The following LIN9 variants were observed in gnomAD, a reference collection of about 807,000 sequenced individuals.
LIN9 encodes lin-9 DREAM MuvB core complex component, also known as protein lin-9 homolog.
A neutral mutation model predicts 78.0 loss-of-function variants in LIN9; 18 were observed. That is an observed-to-expected ratio of 0.23 (90% CI 0.16 to 0.34). LIN9 has a LOEUF of 0.34. LIN9 is among the 10% of genes least tolerant of loss of function. LIN9 has a pLI of 1.00. For missense variants in LIN9, 451 were observed against 644.1 expected (o/e 0.70, Z 3.25); for synonymous variants, 192 against 215.2 (o/e 0.89, Z 0.94).
chr1:226,267,230 GATATAT>G lies in LIN9; in HGVS notation c.816+721_816+726del, dbSNP rs4012808. 2.1e-3 allele frequency among the ~76,000 whole-genome samples: 291 copies of G among 137,680 alleles called. 4 individuals are homozygous for G. The highest frequency in any genetic ancestry group is 8.0e-3 in the East Asian group (38 of 4,774). The allele number at this position is 137,680 out of a possible 152,430, so 90.3% of individuals were successfully genotyped here. On this transcript the variant is annotated intron_variant, in intron 8 of 14. Coordinates refer to ENST00000681046, the MANE Select transcript of LIN9 (RefSeq NM_001366245.2). ...CAATATTGTATTTCTGCACTAAGGA[GATATAT>G]ATATATATATATATATATTTCTTTT...
rs972395858 is a variant in LIN9, at chr1:226,250,643, T to C, written c.1119+196A>G. Among the ~76,000 whole-genome samples, 3 of 152,318 alleles carry C rather than the reference T, an allele frequency of 2.0e-5. No homozygotes were observed. The South Asian group carries it at 6.2e-4, about 32-fold the overall frequency. On this transcript the variant is annotated intron_variant, in intron 11 of 14. Coordinates refer to ENST00000681046, the MANE Select transcript of LIN9 (RefSeq NM_001366245.2). The stretch of plus-strand genomic sequence containing the variant: ...CATAGCTCACTGCAGTCTCTGACTC[T>C]AGACTCAAGCAATCCTTTTGCTTCA...
intron 1 of LIN9, among the ~76,000 whole-genome samples, chr1:226,301,938 ACG>A (rs1662559738): frequency 6.6e-6 from 1 of 152,140 alleles, no homozygotes; most frequent in African/African-American, 2.4e-5. Flanking sequence ...GTATGGGGGC[ACG>A]TGCCTAAAGT....
chr1:226,301,331 T>A, intron 1 of LIN9, 126 bp from the exon 2 acceptor site: 1 of 627,004 alleles, frequency 1.6e-6, no homozygotes, highest in Non-Finnish European at 2.8e-6. Context: ...GATGGTGGAA[T>A]GTGCAATTCG....
intron 4 of LIN9, among the ~76,000 whole-genome samples, chr1:226,294,989 CAG>C (rs1416404287): frequency 1.3e-5 from 2 of 151,842 alleles, no homozygotes; most frequent in Non-Finnish European, 2.9e-5. Context: ...TTAGTAGAGA[CAG>C]GGTTTCGCCA....
At position 226,232,500 on chromosome 1, in the gene LIN9, C is replaced by T. The variant is rs1159548122; in HGVS notation, c.*1G>A. On this transcript the variant is annotated 3_prime_UTR_variant, in exon 15 of 15. Coordinates refer to ENST00000681046, the MANE Select transcript of LIN9 (RefSeq NM_001366245.2). ...TGCAGTTGGAATAATGAAATCTTTA[C>T]TCAGTCTCTGTTGGTGTTATTTGCT... 2 of 1,598,596 alleles carry T rather than the reference C, an allele frequency of 1.3e-6. No individual in the cohort carries two copies. Among genetic ancestry groups the T allele is most frequent in the East Asian group, 2.2e-5 (1 of 44,676 alleles).
upstream of LIN9, chr1:226,309,243 C>T: frequency 3.7e-6 from 5 of 1,359,276 alleles, no homozygotes; most frequent in South Asian, 3.2e-5. Context: ...TCGCTGCCCG[C>T]GGCGCCGCGC....
At chr1:226,291,325 G>A (rs1004463826) in intron 4 of LIN9, among the ~76,000 whole-genome samples, 2 of 151,870 alleles carry the variant, frequency 1.3e-5, no homozygotes, top group Admixed American at 1.3e-4. Flanking sequence ...CACTGAATCC[G>A]ATTATCTCAA....
chr1:226,240,677 C>T (rs899143459), intron 11 of LIN9, among the ~76,000 whole-genome samples: 2 of 151,980 alleles, frequency 1.3e-5, no homozygotes, highest in Non-Finnish European at 2.9e-5. Context: ...GTGTGAGCCA[C>T]CGCGCCTGGC....
At chr1:226,260,627 A>ATTT (rs1659502629) in intron 10 of LIN9, among the ~76,000 whole-genome samples, 1 of 70,804 alleles carries the variant, frequency 1.4e-5, no homozygotes, top group African/African-American at 5.9e-5. Flanking sequence ...CGGCCAAATG[A>ATTT]GTTTTTTTTT....
Position 226,287,777 on chromosome 1 carries a change from T to C in LIN9, c.285A>G (p.Ser95=). The stretch of plus-strand genomic sequence containing the variant: ...TCTGTGAAGCTTTCTTATCTGGTGT[T>C]GACATTGTTGCTGTAAATTTCTATA... ...MVPQKFTATM[S]TPDKKASQKI... The change falls in exon 5 of 15, where the codon TCA becomes TCG. Residue 95 remains serine, a synonymous_variant. Transcript: ENST00000681046. The C allele has an allele frequency of 6.4e-7, 1 of 1,552,954 alleles. No homozygotes were observed. Among genetic ancestry groups the C allele is most frequent in the African/African-American group, 1.4e-5 (1 of 69,872 alleles).
At chr1:226,301,118 A>T in intron 2 of LIN9, 55 bp downstream of exon 2, 1 of 1,329,034 alleles carries the variant, frequency 7.5e-7, no homozygotes, top group Non-Finnish European at 1.1e-6. Context: ...ATCCAGATTA[A>T]TTTAACAAAT....
intron 7 of LIN9, among the ~76,000 whole-genome samples, chr1:226,269,314 A>C (rs1161505633): frequency 2.6e-5 from 4 of 152,210 alleles, no homozygotes; most frequent in African/African-American, 9.7e-5. Flanking sequence ...GATGTAAATA[A>C]TGAAGCTGAG....
At chr1:226,280,366 G>C (rs537725904) in intron 6 of LIN9, among the ~76,000 whole-genome samples, 4 of 152,272 alleles carry the variant, frequency 2.6e-5, no homozygotes, top group African/African-American at 7.2e-5. Flanking sequence ...TGATAATAAT[G>C]ATTTTTTTGT....
rs185849346 is a variant in LIN9, at chr1:226,260,618, G to A, written c.1038+4915C>T. Reference sequence around the variant, plus strand: ...GATGTATAAAAGAATTTAAGATCACGGCCAAATGAGTTTTTTTTTTTTTTT... The same window carrying A: ...GATGTATAAAAGAATTTAAGATCACAGCCAAATGAGTTTTTTTTTTTTTTT... On this transcript the variant is annotated intron_variant, in intron 10 of 14. Coordinates refer to ENST00000681046, the MANE Select transcript of LIN9 (RefSeq NM_001366245.2). Among the ~76,000 whole-genome samples, 34 of 144,436 alleles carry A rather than the reference G, an allele frequency of 2.4e-4. No homozygotes were observed. The East Asian group carries it at 6.2e-3, about 26-fold the overall frequency. 94.8% of individuals were successfully genotyped at this position (144,436 alleles called of 152,430 possible).
chr1:226,261,015 A>C (rs1659551946), intron 10 of LIN9, among the ~76,000 whole-genome samples: 1 of 151,978 alleles, frequency 6.6e-6, no homozygotes, highest in African/African-American at 2.4e-5. Context: ...AATCCATCAC[A>C]TCAGTAGGCT....
Position 226,267,906 on chromosome 1 carries a change from T to C in LIN9, c.816+51A>G, listed in dbSNP as rs751947904. 9 of 1,552,996 alleles carry C rather than the reference T, an allele frequency of 5.8e-6. No homozygotes were observed. In the South Asian group the frequency reaches 9.6e-5, roughly 17 times the overall value. On this transcript the variant is annotated intron_variant, in intron 8 of 14. Transcript: ENST00000681046. Reference sequence around the variant, plus strand: ...ATACGATTTCTAAAAAAACTCTATATAACACATTTAACAGGCATAAAACAC... The same window carrying C: ...ATACGATTTCTAAAAAAACTCTATACAACACATTTAACAGGCATAAAACAC...
chr1:226,295,713 G>C, intron 4 of LIN9, 129 bp downstream of exon 4: 1 of 567,896 alleles, frequency 1.8e-6, no homozygotes. Flanking sequence ...ACTAAAACAG[G>C]ACCAGAGCAG....
chr1:226,291,676 A>G (rs1023141926), intron 4 of LIN9, among the ~76,000 whole-genome samples: 14 of 152,180 alleles, frequency 9.2e-5, no homozygotes, highest in Non-Finnish European at 1.9e-4. Flanking sequence ...TTGCAAAGAT[A>G]GTACATATTC....
At chr1:226,294,588 A>T (rs6656074) in intron 4 of LIN9, among the ~76,000 whole-genome samples, 1 of 150,758 alleles carries the variant, frequency 6.6e-6, no homozygotes, top group Non-Finnish European at 1.5e-5. Context: ...AAAAAACAAA[A>T]AAAAAAAAAC....
Sources: allele counts gnomAD v4.1 joint callset (sites outside exome capture counted in the v4.1 genomes callset), GRCh38; gene constraint gnomAD v4.1.1; transcripts MANE v1.5; gene names NCBI Gene and HGNC (gene_info 2026-07-23, HGNC 2026-07-21).